Variants in RAB3IL1 observed in about 807,000 individuals in gnomAD.
The protein encoded by RAB3IL1 is RAB3A interacting protein like 1.
In RAB3IL1, 37 loss-of-function variants were observed where a neutral mutation model predicts 49.2. That is an observed-to-expected ratio of 0.75 (90% CI 0.58 to 0.99). The LOEUF (loss-of-function observed/expected upper bound fraction) is 0.99. Ranked by LOEUF, RAB3IL1 falls within the 50% of genes least tolerant of loss-of-function variation. The pLI is 0.00. For synonymous variants in RAB3IL1, 193 were observed against 213.9 expected, an observed-to-expected ratio of 0.90 and a Z score of 0.85; for missense variants, 484 against 513.0, an observed-to-expected ratio of 0.94 and a Z score of 0.55.
chr11:61,899,506 G>T, intron 8 of RAB3IL1, 126 bp from the exon 9 acceptor site: 1 of 802,424 alleles, frequency 1.2e-6, no homozygotes, highest in Non-Finnish European at 2.0e-6. Context: ...CCCTGACTCA[G>T]CTGGGACTGG....
upstream of RAB3IL1, among the ~76,000 whole-genome samples, chr11:61,925,119 CT>C (rs1171380466): frequency 6.6e-6 from 1 of 152,130 alleles, no homozygotes; most frequent in Non-Finnish European, 1.5e-5. Context: ...CTTGGTGGTC[CT>C]TCATTGCTTT....
At chr11:61,916,553 TG>T (rs1181028682) in intron 1 of RAB3IL1, among the ~76,000 whole-genome samples, 1 of 152,192 alleles carries the variant, frequency 6.6e-6, no homozygotes, top group East Asian at 1.9e-4. Flanking sequence ...AGCCCTCTCC[TG>T]GGACCACTCA....
chr11:61,916,597 C>T (rs1310886070), intron 1 of RAB3IL1, among the ~76,000 whole-genome samples: 1 of 152,218 alleles, frequency 6.6e-6, no homozygotes, highest in Non-Finnish European at 1.5e-5. Flanking sequence ...TACAACCTGT[C>T]CCCCATTCTG....
chr11:61,917,005 G>A (rs1939721872), intron 1 of RAB3IL1, among the ~76,000 whole-genome samples: 1 of 141,070 alleles, frequency 7.1e-6, no homozygotes, highest in Non-Finnish European at 1.6e-5. Context: ...TGAGGGACAG[G>A]TTGGGAGGGT....
chr11:61,920,335 C>T (rs1939872345), upstream of RAB3IL1: 2 of 1,094,764 alleles, frequency 1.8e-6, no homozygotes, highest in Non-Finnish European at 2.3e-6. Context: ...GCACCACCTC[C>T]CAGGACAGCC....
chr11:61,926,542 T>C, the RAB3IL1 span, among the ~76,000 whole-genome samples: 178 of 152,222 alleles, frequency 1.2e-3, no homozygotes, highest in African/African-American at 4.1e-3. Flanking sequence ...CCTGTGGTAA[T>C]GAGTTGCTGC....
the RAB3IL1 span, among the ~76,000 whole-genome samples, chr11:61,933,137 C>T: frequency 2.0e-5 from 3 of 152,120 alleles, no homozygotes; most frequent in Non-Finnish European, 4.4e-5. Context: ...ATAAAAATGG[C>T]CTCTCAAAGA....
In RAB3IL1 at chr11:61,906,722, C is replaced by G. The variant is rs1447733783; in HGVS notation, c.439-38G>C. ...GGATGGCTGTCAACCCTCACCCAGA[C>G]TGGATGCCATCCTGGCTGCCACCGC... On this transcript the variant is annotated intron_variant, in intron 4 of 9. Coordinates refer to ENST00000394836, the MANE Select transcript of RAB3IL1 (RefSeq NM_013401.4). The surrounding 1 kb of genome is among the most constrained non-coding windows in gnomAD (Gnocchi z 4.6). 6.4e-7 allele frequency: 1 copy of G among 1,558,626 alleles called. No homozygotes were observed. Among genetic ancestry groups the G allele is most frequent in the Non-Finnish European group, 8.7e-7 (1 of 1,146,922 alleles).
At position 61,906,826 on chromosome 11, in the gene RAB3IL1, G is replaced by A. The variant is rs148623923; in HGVS notation, c.439-142C>T. ...ACCCGACGCCCTCAGAACAGCCTTC[G>A]AGGCAGAGACCCAGACACTCGTTTT... On this transcript the variant is annotated intron_variant, in intron 4 of 9. Transcript: ENST00000394836. The surrounding 1 kb of genome is among the most constrained non-coding windows in gnomAD (Gnocchi z 4.6). 0.01 allele frequency: 8,246 copies of A among 800,794 alleles called. 61 individuals carry two copies. The highest frequency in any genetic ancestry group is 0.014 in the Non-Finnish European group (6,726 of 479,616). 49.6% of individuals were successfully genotyped at this position (800,794 alleles called of 1,614,324 possible).
At chr11:61,914,823 T>TG (rs1269123630) in intron 1 of RAB3IL1, among the ~76,000 whole-genome samples, 1 of 152,260 alleles carries the variant, frequency 6.6e-6, no homozygotes, top group East Asian at 1.9e-4. Flanking sequence ...CTGGCCCCGC[T>TG]GGGGTCACCA....
At position 61,906,877 on chromosome 11, in the gene RAB3IL1, G is replaced by GA. The variant is rs991193951; in HGVS notation, c.439-194dup. On this transcript the variant is annotated intron_variant, in intron 4 of 9. Coordinates refer to ENST00000394836, the MANE Select transcript of RAB3IL1 (RefSeq NM_013401.4). The surrounding 1 kb of genome is among the most constrained non-coding windows in gnomAD (Gnocchi z 4.6). The stretch of plus-strand genomic sequence containing the variant: ...ACACATAGGGAAACTGAGGCTCACA[G>GA]AGGCGACATGGCCTGCCCAAGGTCA... Among the ~76,000 whole-genome samples, 1 of 152,230 alleles carries GA rather than the reference G, an allele frequency of 6.6e-6. No homozygotes were observed. Among genetic ancestry groups the GA allele is most frequent in the African/African-American group, 2.4e-5 (1 of 41,464 alleles).
At chr11:61,904,698 T>C (rs756310679) in intron 6 of RAB3IL1, 40 bp from the exon 7 acceptor site, 1 of 1,590,872 alleles carries the variant, frequency 6.3e-7, no homozygotes, top group East Asian at 2.3e-5. Context: ...GGTAAGGGGC[T>C]GGGCCCTGGC....
chr11:61,933,898 T>A, the RAB3IL1 span, among the ~76,000 whole-genome samples: 5 of 151,790 alleles, frequency 3.3e-5, no homozygotes, highest in Non-Finnish European at 5.9e-5. Flanking sequence ...TGAGCCAAGA[T>A]TGCGCCACTG....
At chr11:61,904,490 A>G in intron 7 of RAB3IL1, 56 bp downstream of exon 7, 2 of 1,507,790 alleles carry the variant, frequency 1.3e-6, no homozygotes, top group South Asian at 2.4e-5. Flanking sequence ...CAGTAAACAC[A>G]CGGCTTGGCG....
upstream of RAB3IL1, among the ~76,000 whole-genome samples, chr11:61,921,976 C>T (rs1939918868): frequency 6.7e-6 from 1 of 149,816 alleles, no homozygotes; most frequent in Non-Finnish European, 1.5e-5. Context: ...ATCGCTTGAG[C>T]CCAGGAGACC....
At chr11:61,913,753 C>T (rs976941521) in intron 1 of RAB3IL1, among the ~76,000 whole-genome samples, 1 of 152,224 alleles carries the variant, frequency 6.6e-6, no homozygotes, top group Non-Finnish European at 1.5e-5. Context: ...CCAGGCACCC[C>T]ACCAGCCATG....
At chr11:61,904,330 G>C (rs1394412567) in intron 7 of RAB3IL1, among the ~76,000 whole-genome samples, 2 of 152,186 alleles carry the variant, frequency 1.3e-5, no homozygotes, top group Non-Finnish European at 2.9e-5. Flanking sequence ...GCACAGAGCA[G>C]ACCAGTCAGG....
At chr11:61,928,060 A>G in the RAB3IL1 span, among the ~76,000 whole-genome samples, 3 of 152,256 alleles carry the variant, frequency 2.0e-5, no homozygotes, top group Middle Eastern at 3.4e-3. Flanking sequence ...GGATTCACAT[A>G]TCAAAAAGAT....
rs1404627408 is a variant in RAB3IL1 at position 61,906,736 on chromosome 11, G to A, written c.439-52C>T. The A allele has an allele frequency of 6.6e-7, 1 of 1,509,412 alleles. No individual in the cohort carries two copies. The highest frequency in any genetic ancestry group is 9.0e-7 in the Non-Finnish European group (1 of 1,109,008). 93.5% of individuals were successfully genotyped at this position (1,509,412 alleles called of 1,614,324 possible). A position where few individuals can be genotyped will look rare whatever the true frequency, so the allele number is the denominator to read the frequency against. ...CCTCACCCAGACTGGATGCCATCCT[G>A]GCTGCCACCGCCTATCAGCCTAACT... On this transcript the variant is annotated intron_variant, in intron 4 of 9. Transcript: ENST00000394836. This position sits in a 1 kb window ranked among gnomAD's most constrained non-coding sequence, Gnocchi z 4.6.
Sources: allele counts gnomAD v4.1 joint callset (sites outside exome capture counted in the v4.1 genomes callset), GRCh38; gene constraint gnomAD v4.1.1; non-coding constraint Gnocchi (gnomAD v3.1); transcripts MANE v1.5; gene names NCBI Gene and HGNC (gene_info 2026-07-23, HGNC 2026-07-21).